The following FHAD1 variants were observed in gnomAD, a reference collection of about 807,000 sequenced individuals.
FHAD1 encodes forkhead associated phosphopeptide binding domain 1.
FHAD1 carries 146 observed loss-of-function variants against 191.3 expected under a neutral mutation model. That is an observed-to-expected ratio of 0.76 (90% CI 0.67 to 0.88). FHAD1 has a LOEUF of 0.88. FHAD1 is among the 40% of genes least tolerant of loss of function. The pLI, the probability that FHAD1 is intolerant of heterozygous loss-of-function variation, is 0.00. For synonymous variants in FHAD1, 616 were observed against 672.3 expected, an observed-to-expected ratio of 0.92 and a Z score of 1.29; for missense variants, 1,635 against 1,785.8, an observed-to-expected ratio of 0.92 and a Z score of 1.52.
chr1:15,345,313 G>T, intron 17 of FHAD1, 103 bp from the exon 18 acceptor site: 1 of 1,346,090 alleles, frequency 7.4e-7, no homozygotes, highest in South Asian at 1.3e-5. Context: ...CAGTCCCCTA[G>T]GGAGGTGTAG....
At chr1:15,366,284 CAAAAAAAAA>C (rs35252287) in intron 24 of FHAD1, among the ~76,000 whole-genome samples, 49 of 44,466 alleles carry the variant, frequency 1.1e-3, no homozygotes, top group African/African-American at 4.3e-3. Context: ...GACTCTGTCT[CAAAAAAAAA>C]AAAAAAAAAA....
At chr1:15,343,402 C>T (rs1481322305) in intron 16 of FHAD1, among the ~76,000 whole-genome samples, 1 of 151,628 alleles carries the variant, frequency 6.6e-6, no homozygotes, top group Non-Finnish European at 1.5e-5. Flanking sequence ...GACCCCAACT[C>T]TTCCCAGATA....
intron 5 of FHAD1, among the ~76,000 whole-genome samples, chr1:15,300,500 G>C (rs557481645): frequency 6.6e-6 from 1 of 152,322 alleles, no homozygotes; most frequent in East Asian, 1.9e-4. Context: ...GTCAGAATGT[G>C]GTTGAATAGA....
chr1:15,275,477 T>C (rs1329237126), intron 3 of FHAD1, among the ~76,000 whole-genome samples: 2 of 152,142 alleles, frequency 1.3e-5, no homozygotes, highest in Non-Finnish European at 2.9e-5. Context: ...AGACCCCCTG[T>C]CCGCCTCCAC....
chr1:15,337,088 C>G (rs993330656), intron 14 of FHAD1, among the ~76,000 whole-genome samples: 2 of 152,218 alleles, frequency 1.3e-5, no homozygotes, highest in Non-Finnish European at 2.9e-5. Context: ...GGGAGTCCAG[C>G]CAAGGCAGTA....
intron 20 of FHAD1, among the ~76,000 whole-genome samples, chr1:15,354,689 A>G (rs1692128911): frequency 6.6e-6 from 1 of 152,220 alleles, no homozygotes; most frequent in Non-Finnish European, 1.5e-5. Flanking sequence ...AAAAAAAAGT[A>G]TATCATGAAA....
At chr1:15,272,662 C>T (rs1402840999) in intron 3 of FHAD1, 133 bp downstream of exon 3, 10 of 813,622 alleles carry the variant, frequency 1.2e-5, no homozygotes, top group Non-Finnish European at 1.9e-5. Context: ...GCAGCAGAGA[C>T]AGAGTGGACC....
At chr1:15,245,601 C>T (rs571130746), upstream of FHAD1, among the ~76,000 whole-genome samples, 3 of 152,262 alleles carry the variant, frequency 2.0e-5, no homozygotes, top group African/African-American at 7.2e-5. Context: ...TCCTGTGAAG[C>T]CATCACTTGG....
intron 31 of FHAD1, chr1:15,383,349 CCCCATGCTGCCCATGA>C (rs1349575432): frequency 9.4e-6 from 4 of 425,136 alleles, no homozygotes; most frequent in African/African-American, 4.0e-5. Context: ...ACACTGCCTT[CCCCATGCTGCCCATGA>C]CCCATGCTGC....
intron 2 of FHAD1, among the ~76,000 whole-genome samples, chr1:15,257,629 C>G (rs1278572742): frequency 1.3e-5 from 2 of 152,222 alleles, no homozygotes; most frequent in Non-Finnish European, 2.9e-5. Context: ...TCAGGGAACT[C>G]TTCTTTCCCC....
At chr1:15,306,626 C>T (rs1181952709) in intron 6 of FHAD1, among the ~76,000 whole-genome samples, 3 of 152,216 alleles carry the variant, frequency 2.0e-5, no homozygotes, top group African/African-American at 7.2e-5. Flanking sequence ...CCACCCACTC[C>T]AACCATGGCT....
intron 26 of FHAD1, among the ~76,000 whole-genome samples, chr1:15,372,770 C>T (rs902226255): frequency 6.6e-6 from 1 of 152,082 alleles, no homozygotes; most frequent in Non-Finnish European, 1.5e-5. Flanking sequence ...TTGTCAGTTT[C>T]TTCTCTTTCT....
chr1:15,375,932 T>C (rs1387356439), intron 28 of FHAD1, among the ~76,000 whole-genome samples: 1 of 152,194 alleles, frequency 6.6e-6, no homozygotes, highest in Non-Finnish European at 1.5e-5. Context: ...GCCCACAGTA[T>C]GGTTCCGCAT....
At chr1:15,379,763 A>G (rs6672152) in intron 28 of FHAD1, among the ~76,000 whole-genome samples, 11,510 of 152,258 alleles carry the variant, frequency 0.076, 1,399 homozygotes, top group African/African-American at 0.25. Context: ...GCCTTCAAGC[A>G]TCTGTTTAAC....
intron 10 of FHAD1, among the ~76,000 whole-genome samples, chr1:15,323,009 A>G (rs574873797): frequency 1.2e-4 from 18 of 152,192 alleles, no homozygotes; most frequent in Non-Finnish European, 2.5e-4. Flanking sequence ...CAAAAGTGGA[A>G]ACCCCTGATA....
chr1:15,297,700 A>G (rs1667394143), intron 5 of FHAD1, among the ~76,000 whole-genome samples: 1 of 152,122 alleles, frequency 6.6e-6, no homozygotes, highest in African/African-American at 2.4e-5. Flanking sequence ...TGCCTCACTC[A>G]TGCAACTGCA....
At position 15,375,679 on chromosome 1, in the gene FHAD1, A is replaced by G; in HGVS notation, c.3654A>G (p.Leu1218=). Residue 1218 remains leucine (L), a synonymous_variant, in exon 28 of 34, where the codon CTA becomes CTG. Coordinates refer to ENST00000688493, the MANE Select transcript of FHAD1 (RefSeq NM_001391957.1). Reference sequence around the variant, plus strand: ...TGGAAAACAATGTCCAGAAAATACTACTGGATGCAAAACCGGATTTGCCAA... The same window carrying G: ...TGGAAAACAATGTCCAGAAAATACTGCTGGATGCAAAACCGGATTTGCCAA... ...LRMENNVQKI[L]LDAKPDLPTL... 1.3e-6 allele frequency: 2 copies of G among 1,546,834 alleles called. No homozygotes were observed. Among genetic ancestry groups the G allele is most frequent in the Non-Finnish European group, 1.7e-6 (2 of 1,145,166 alleles).
chr1:15,256,412 G>A (rs1014724077), intron 2 of FHAD1, among the ~76,000 whole-genome samples: 1 of 152,046 alleles, frequency 6.6e-6, no homozygotes, highest in African/African-American at 2.4e-5. Context: ...CAGTACTTTG[G>A]GAGGCCGAGG....
chr1:15,292,356 C>T lies in FHAD1; in HGVS notation c.568+2690C>T, dbSNP rs527751257. 1.9e-4 allele frequency among the ~76,000 whole-genome samples: 29 copies of T among 152,092 alleles called. No homozygotes were observed. The East Asian group carries it at 2.7e-3, about 14-fold the overall frequency. ...TTTGTTTTGTTTTGTCTTTTTGAGA[C>T]GGAGTCTCGCTCTGTCGCCCAGGCT... is the stretch of plus-strand genomic sequence containing the variant. On this transcript the variant is annotated intron_variant, in intron 4 of 33. Coordinates refer to ENST00000688493, the MANE Select transcript of FHAD1 (RefSeq NM_001391957.1).
Sources: gnomAD v4.1 joint callset for allele counts (sites outside exome capture counted in the v4.1 genomes callset) on GRCh38, gnomAD v4.1.1 for gene constraint, MANE v1.5 for transcripts, NCBI Gene and HGNC (gene_info 2026-07-23, HGNC 2026-07-21) for gene names.